The following EMX1 variants were observed in gnomAD, a reference collection of about 807,000 sequenced individuals.
EMX1 encodes the protein homeobox protein EMX1.
In EMX1, 10 loss-of-function variants were observed where a neutral mutation model predicts 20.1. The observed-to-expected ratio is 0.50, with a 90% CI of 0.31 to 0.84. The LOEUF (loss-of-function observed/expected upper bound fraction) is 0.84, where lower values mean the gene tolerates loss of function less well. EMX1 is among the 40% of genes least tolerant of loss of function. The probability of loss-of-function intolerance (pLI) is 0.05; values close to 1 mark genes in which losing one functional copy is unlikely to be tolerated. For synonymous variants in EMX1, 250 were observed against 200.4 expected, an observed-to-expected ratio of 1.25 and a Z score of -2.09; for missense variants, 424 against 431.9, an observed-to-expected ratio of 0.98 and a Z score of 0.16.
chr2:72,931,546 G>A (rs1286366053), intron 2 of EMX1, among the ~76,000 whole-genome samples: 1 of 152,136 alleles, frequency 6.6e-6, no homozygotes. Flanking sequence ...TCCAGGGTGG[G>A]GGGCAGGGGC....
rs142853156 is a variant in EMX1, at chr2:72,924,891, A to G, written c.705+398A>G. 2.0e-4 allele frequency among the ~76,000 whole-genome samples: 31 copies of G among 152,248 alleles called. 1 individual carries two copies. The East Asian group carries it at 6.0e-3, about 29-fold the overall frequency. On this transcript the variant is annotated intron_variant, in intron 2 of 2. Transcript: ENST00000258106. ...GCATTCCTGCAGCCCTTTTCCCGCC[A>G]CTGTGTCGGGGCGCTCATAGTCCTG... is the stretch of plus-strand genomic sequence containing the variant.
upstream of EMX1, chr2:72,916,755 G>A (rs547816271): frequency 2.8e-6 from 2 of 717,358 alleles, no homozygotes. Context: ...GGTCCGGCCC[G>A]CCGACACTTG....
At chr2:72,919,890 C>T (rs2105262111) in intron 1 of EMX1, among the ~76,000 whole-genome samples, 1 of 152,368 alleles carries the variant, frequency 6.6e-6, no homozygotes, top group East Asian at 1.9e-4. Context: ...GAGCAATCTA[C>T]CCTGGTCCTC....
chr2:72,918,387 T>A lies in EMX1; in HGVS notation c.520+15T>A. On this transcript the variant is annotated intron_variant, in intron 1 of 2. Coordinates refer to ENST00000258106, the MANE Select transcript of EMX1 (RefSeq NM_004097.3). ...CCGCTTCCAGGGTGAGTGTCCACGC[T>A]GTGCCCGCCGAGGCGGCCGGCCGGC... The A allele has an allele frequency of 1.5e-6, 2 of 1,371,910 alleles. No individual in the cohort carries two copies. Among genetic ancestry groups the A allele is most frequent in the East Asian group, 3.1e-5 (1 of 32,438 alleles). The allele number at this position is 1,371,910 out of a possible 1,614,324, so 85.0% of individuals were successfully genotyped here.
intron 1 of EMX1, among the ~76,000 whole-genome samples, chr2:72,918,587 C>G (rs1003751316): frequency 3.9e-5 from 6 of 152,248 alleles, no homozygotes; most frequent in African/African-American, 1.4e-4. Context: ...GTGGAGACCT[C>G]CAGGCTTTTC....
chr2:72,918,353 C>T lies in EMX1; in HGVS notation c.501C>T (p.Phe167=), dbSNP rs766007650. 15 of 1,480,656 alleles carry T rather than the reference C, an allele frequency of 1.0e-5. No homozygotes were observed. Among genetic ancestry groups the T allele is most frequent in the Non-Finnish European group, 7.1e-6 (8 of 1,123,314 alleles). The allele number at this position is 1,480,656 out of a possible 1,614,324, so 91.7% of individuals were successfully genotyped here. The change falls in exon 1 of 3, where the codon TTC becomes TTT. Residue 167 remains phenylalanine, a synonymous_variant. Coordinates refer to ENST00000258106, the MANE Select transcript of EMX1 (RefSeq NM_004097.3). ...HFYPWVLRNR[F]FGHRFQASDV... ...ACCCCTGGGTCCTGCGGAACCGCTT[C>T]TTCGGCCACCGCTTCCAGGGTGAGT... is the stretch of plus-strand genomic sequence containing the variant.
intron 2 of EMX1, among the ~76,000 whole-genome samples, chr2:72,931,509 C>T (rs781678139): frequency 1.3e-5 from 2 of 152,154 alleles, no homozygotes; most frequent in African/African-American, 4.8e-5. Context: ...GCTCACCCGC[C>T]CACTGACTGG....
At position 72,924,402 on chromosome 2, in the gene EMX1, T is replaced by A. The variant is rs763746799; in HGVS notation, c.614T>A (p.Leu205Gln). Residue 205 changes from leucine to glutamine, a missense_variant, in exon 2 of 3, where the codon CTG becomes CAG. Leu to Gln is a moderately radical substitution (Grantham distance 113). This residue lies in a region of EMX1 where 91 missense variants were observed against 135.2 expected (regional missense o/e 0.67). Transcript: ENST00000258106. Reference sequence around the variant, plus strand: ...ACGGCCTTCTCGCCCTCGCAGCTGCTGCGGCTGGAGCGCGCCTTCGAGAAG... The same window carrying A: ...ACGGCCTTCTCGCCCTCGCAGCTGCAGCGGCTGGAGCGCGCCTTCGAGAAG... ...IRTAFSPSQL[L>Q]RLERAFEKNH... The A allele has an allele frequency of 1.3e-6, 2 of 1,593,812 alleles. No individual in the cohort carries two copies. The highest frequency in any genetic ancestry group is 2.7e-5 in the African/African-American group (2 of 74,840).
Position 72,924,304 on chromosome 2 carries a change from C to A in EMX1, c.521-5C>A, listed in dbSNP as rs1476746780. On this transcript the variant is annotated splice_polypyrimidine_tract_variant and splice_region_variant and intron_variant, in intron 1 of 2. Transcript: ENST00000258106. Reference sequence around the variant, plus strand: ...CGTGTGTTGCCGTCGGCGGCGGGGCCGCAGCCAGCGACGTGCCCCAGGACG... The same window carrying A: ...CGTGTGTTGCCGTCGGCGGCGGGGCAGCAGCCAGCGACGTGCCCCAGGACG... The A allele has an allele frequency of 6.4e-7, 1 of 1,559,104 alleles. No homozygotes were observed.
chr2:72,925,503 A>G lies in EMX1; in HGVS notation c.705+1010A>G, dbSNP rs1262590049. 3.9e-6 allele frequency: 5 copies of G among 1,288,716 alleles called. No homozygotes were observed. In the Admixed American group the frequency reaches 9.2e-5, roughly 24 times the overall value. 79.8% of individuals were successfully genotyped at this position (1,288,716 alleles called of 1,614,324 possible). A position where few individuals can be genotyped will look rare whatever the true frequency, so the allele number is the denominator to read the frequency against. ...AGCTGCTGCCCTGGAGGTGGATTTC[A>G]GTCTCTGCGTGCCGGCCGGCTCCCA... On this transcript the variant is annotated intron_variant, in intron 2 of 2. Coordinates refer to ENST00000258106, the MANE Select transcript of EMX1 (RefSeq NM_004097.3).
chr2:72,917,659 G>T lies in EMX1; in HGVS notation c.-194G>T. Reference sequence around the variant, plus strand: ...GGCCTTACTGGCAGCTCGCAGCCTAGCACGGAGCCCGCGCCTGTGCGGGCG... The same window carrying T: ...GGCCTTACTGGCAGCTCGCAGCCTATCACGGAGCCCGCGCCTGTGCGGGCG... On this transcript the variant is annotated 5_prime_UTR_variant, in exon 1 of 3. Coordinates refer to ENST00000258106, the MANE Select transcript of EMX1 (RefSeq NM_004097.3). 1 of 313,466 alleles carries T rather than the reference G, an allele frequency of 3.2e-6. No homozygotes were observed. The highest frequency in any genetic ancestry group is 5.3e-6 in the Non-Finnish European group (1 of 188,394). The allele number at this position is 313,466 out of a possible 1,614,324, so 19.4% of individuals were successfully genotyped here. A position where few individuals can be genotyped will look rare whatever the true frequency, so the allele number is the denominator to read the frequency against.
In EMX1 at chr2:72,933,450, C is replaced by T. The variant is rs78191625; in HGVS notation, c.706-337C>T. 4.0e-3 allele frequency: 1,124 copies of T among 280,226 alleles called. 10 individuals are homozygous for T. The highest frequency in any genetic ancestry group is 0.022 in the African/African-American group (1,030 of 46,026). The allele number at this position is 280,226 out of a possible 1,614,324, so 17.4% of individuals were successfully genotyped here. ...GAAACTCGTAGAGTCCCATGTCTGCCGGCTTCCAGAGCCTGCACTCCTCCA... is the reference window on the plus strand; with the variant it reads ...GAAACTCGTAGAGTCCCATGTCTGCTGGCTTCCAGAGCCTGCACTCCTCCA... On this transcript the variant is annotated intron_variant, in intron 2 of 2. Coordinates refer to ENST00000258106, the MANE Select transcript of EMX1 (RefSeq NM_004097.3).
upstream of EMX1, chr2:72,916,804 C>T (rs1245763865): frequency 1.4e-6 from 1 of 717,304 alleles, no homozygotes; most frequent in South Asian, 1.5e-5. Context: ...GGGTGGATCT[C>T]CCAGTGCCGA....
In EMX1 at chr2:72,924,509, C is replaced by G. The variant is rs1338485472; in HGVS notation, c.705+16C>G. The G allele has an allele frequency of 6.4e-7, 1 of 1,560,624 alleles. No homozygotes were observed. The highest frequency in any genetic ancestry group is 8.6e-7 in the Non-Finnish European group (1 of 1,158,322). The stretch of plus-strand genomic sequence containing the variant: ...CGAGACGCAGGTAATCACCCCCGGT[C>G]GCGGCCTGCCCTGCGCCCGGAGCCC... On this transcript the variant is annotated intron_variant, in intron 2 of 2. Transcript: ENST00000258106.
chr2:72,927,245 T>G (rs1671220073), intron 2 of EMX1, among the ~76,000 whole-genome samples: 1 of 152,260 alleles, frequency 6.6e-6, no homozygotes, highest in Non-Finnish European at 1.5e-5. Context: ...CATCTCAAAC[T>G]TCATCTCCAT....
At position 72,929,293 on chromosome 2, in the gene EMX1, C is replaced by T. The variant is rs1033977173; in HGVS notation, c.706-4494C>T. Among the ~76,000 whole-genome samples the T allele has an allele frequency of 3.9e-5, 6 of 152,052 alleles. No homozygotes were observed. The East Asian group carries it at 1.2e-3, about 29-fold the overall frequency. ...CTGTGAGGAGCTGGGACCAACATGTCCTGAGGTGAATCTTATGATGTCTCC... is the reference window on the plus strand; with the variant it reads ...CTGTGAGGAGCTGGGACCAACATGTTCTGAGGTGAATCTTATGATGTCTCC... On this transcript the variant is annotated intron_variant, in intron 2 of 2. Coordinates refer to ENST00000258106, the MANE Select transcript of EMX1 (RefSeq NM_004097.3).
At position 72,925,442 on chromosome 2, in the gene EMX1, C is replaced by T. The variant is rs951194291; in HGVS notation, c.705+949C>T. 5 of 1,287,396 alleles carry T rather than the reference C, an allele frequency of 3.9e-6. No homozygotes were observed. In the African/African-American group the frequency reaches 7.6e-5, roughly 20 times the overall value. 79.7% of individuals were successfully genotyped at this position (1,287,396 alleles called of 1,614,324 possible). ...CATAAGCTCTTGGTCCACCCAGGTCCGACGTGTTGGAGTGGGGCTCAGCGA... is the reference window on the plus strand; with the variant it reads ...CATAAGCTCTTGGTCCACCCAGGTCTGACGTGTTGGAGTGGGGCTCAGCGA... On this transcript the variant is annotated intron_variant, in intron 2 of 2. Transcript: ENST00000258106.
upstream of EMX1, chr2:72,916,500 A>C: frequency 1.7e-6 from 1 of 592,826 alleles, no homozygotes; most frequent in Admixed American, 3.0e-5. Flanking sequence ...GTGGGGTGGG[A>C]AAGTTTGGGG....
intron 2 of EMX1, chr2:72,925,441 C>T: frequency 7.8e-7 from 1 of 1,287,578 alleles, no homozygotes; most frequent in South Asian, 1.2e-5. Flanking sequence ...CCACCCAGGT[C>T]CGACGTGTTG....
Sources: gnomAD v4.1 joint callset for allele counts (sites outside exome capture counted in the v4.1 genomes callset) on GRCh38, gnomAD v4.1.1 for gene constraint, gnomAD v4.1.1 regional missense constraint, MANE v1.5 for transcripts, NCBI Gene and HGNC (gene_info 2026-07-23, HGNC 2026-07-21) for gene names.